TRMT11: variants seen among roughly 807,000 people sequenced by gnomAD.
TRMT11 encodes tRNA methyltransferase 11, also known as tRNA (guanine(10)-N(2))-methyltransferase TRMT11.
A neutral mutation model predicts 62.8 loss-of-function variants in TRMT11; 53 were observed. The observed-to-expected ratio is 0.84, with a 90% CI of 0.68 to 1.06. The LOEUF (loss-of-function observed/expected upper bound fraction) is 1.06. Ranked by LOEUF, TRMT11 falls within the 50% of genes least tolerant of loss-of-function variation. TRMT11 has a pLI of 0.00. For synonymous variants in TRMT11, 188 were observed against 190.3 expected (o/e 0.99, Z 0.10); for missense variants, 556 against 553.4 (o/e 1.00, Z -0.05).
At chr6:126,261,044 T>C in the TRMT11 span, among the ~76,000 whole-genome samples, 1 of 152,184 alleles carries the variant, frequency 6.6e-6, no homozygotes, top group South Asian at 2.1e-4. Context: ...TTCTTCTCCC[T>C]CTAAAACTAC....
At chr6:126,143,200 G>C (rs1056613071) in intron 21 of TRMT11, among the ~76,000 whole-genome samples, 1 of 152,008 alleles carries the variant, frequency 6.6e-6, no homozygotes, top group Non-Finnish European at 1.5e-5. Flanking sequence ...ATTTTTTTCT[G>C]AGTATTAACA....
intron 12 of TRMT11, among the ~76,000 whole-genome samples, chr6:126,026,466 A>C (rs1773112023): frequency 6.6e-6 from 1 of 152,014 alleles, no homozygotes; most frequent in Non-Finnish European, 1.5e-5. Flanking sequence ...ACTCACTGCA[A>C]CCTCCGCCTT....
At chr6:126,246,511 A>G in the TRMT11 span, among the ~76,000 whole-genome samples, 13 of 152,332 alleles carry the variant, frequency 8.5e-5, no homozygotes, top group East Asian at 2.3e-3. Flanking sequence ...AGAGCTGATC[A>G]TGTGGAATGG....
intron 17 of TRMT11, among the ~76,000 whole-genome samples, chr6:126,086,340 G>T (rs1777216442): frequency 6.6e-6 from 1 of 152,030 alleles, no homozygotes; most frequent in South Asian, 2.1e-4. Context: ...ATTAGTTACA[G>T]GCATCACATC....
chr6:126,231,650 T>C, the TRMT11 span, among the ~76,000 whole-genome samples: 1 of 152,134 alleles, frequency 6.6e-6, no homozygotes, highest in African/African-American at 2.4e-5. Flanking sequence ...AGAAAGTGTA[T>C]TGTTGTAGCC....
the TRMT11 span, among the ~76,000 whole-genome samples, chr6:126,253,789 C>T: frequency 2.0e-5 from 3 of 152,160 alleles, no homozygotes; most frequent in Admixed American, 2.0e-4. Context: ...AGACTACAAG[C>T]CTGTGAACTC....
intron 17 of TRMT11, among the ~76,000 whole-genome samples, chr6:126,091,197 CCATCT>C (rs1777272067): frequency 8.8e-5 from 8 of 90,788 alleles, no homozygotes; most frequent in African/African-American, 3.0e-4. Flanking sequence ...GAGCGAGACT[CCATCT>C]CAAAAAAAAA....
intron 21 of TRMT11, among the ~76,000 whole-genome samples, chr6:126,159,574 C>T (rs912866769): frequency 1.3e-5 from 2 of 152,158 alleles, no homozygotes; most frequent in East Asian, 1.9e-4. Context: ...TATTATAATA[C>T]GGACAAATAA....
chr6:126,022,083 G>A (rs1249298542), intron 12 of TRMT11, among the ~76,000 whole-genome samples: 11 of 133,202 alleles, frequency 8.3e-5, no homozygotes, highest in Non-Finnish European at 1.1e-4. Context: ...TTTTTGAGAC[G>A]GAGTTTCCCT....
chr6:126,017,035 A>G (rs1300352400), intron 11 of TRMT11, among the ~76,000 whole-genome samples: 1 of 152,210 alleles, frequency 6.6e-6, no homozygotes, highest in Admixed American at 6.5e-5. Context: ...TTTGAGTCTA[A>G]AGTCATCTGT....
At chr6:126,000,634 G>A (rs1485022177) in intron 7 of TRMT11, among the ~76,000 whole-genome samples, 1 of 152,048 alleles carries the variant, frequency 6.6e-6, no homozygotes, top group African/African-American at 2.4e-5. Flanking sequence ...TCTGCATTGG[G>A]ATCTGCCAAC....
intron 11 of TRMT11, among the ~76,000 whole-genome samples, chr6:126,017,654 G>T (rs888588103): frequency 6.6e-6 from 1 of 152,040 alleles, no homozygotes; most frequent in African/African-American, 2.4e-5. Flanking sequence ...TGGCTTAATT[G>T]TCACCACTTC....
At chr6:126,118,011 G>C (rs565864805) in intron 21 of TRMT11, among the ~76,000 whole-genome samples, 19 of 152,110 alleles carry the variant, frequency 1.2e-4, no homozygotes, top group Non-Finnish European at 2.8e-4. Context: ...TTCTGGAAAA[G>C]TGTTTTATTC....
At chr6:126,237,065 T>TAGAC in the TRMT11 span, among the ~76,000 whole-genome samples, 8 of 142,568 alleles carry the variant, frequency 5.6e-5, no homozygotes, top group East Asian at 1.0e-3. Context: ...CTCCTAGAGA[T>TAGAC]AGAGAGAGAG....
intron 21 of TRMT11, among the ~76,000 whole-genome samples, chr6:126,158,928 G>T (rs1037189504): frequency 6.6e-6 from 1 of 152,166 alleles, no homozygotes; most frequent in Non-Finnish European, 1.5e-5. Context: ...TGCCCATCCA[G>T]CTCTGACTTC....
At chr6:126,226,664 A>G in the TRMT11 span, among the ~76,000 whole-genome samples, 3 of 152,246 alleles carry the variant, frequency 2.0e-5, no homozygotes, top group Non-Finnish European at 4.4e-5. Flanking sequence ...AAAGTACAAT[A>G]AAACATTAAT....
rs370541339 is a variant in TRMT11, at chr6:126,170,121, CTTT to C, written c.*1824-4702_*1824-4700del. Among the ~76,000 whole-genome samples, 715 of 151,908 alleles carry C rather than the reference CTTT, an allele frequency of 4.7e-3. 5 individuals are homozygous for C. The highest frequency in any genetic ancestry group is 0.015 in the African/African-American group (615 of 41,438). ...GCTCTCTACTTTTATTCTTATTTTC[CTTT>C]TGTCAGCCTGGTGTCTTTTATTTTC... On this transcript the variant is annotated intron_variant and NMD_transcript_variant, in intron 21 of 22. Transcript: ENST00000648977.
At chr6:126,183,582 G>A (rs1414120900) in intron 1 of TRMT11, among the ~76,000 whole-genome samples, 1 of 152,142 alleles carries the variant, frequency 6.6e-6, no homozygotes, top group Non-Finnish European at 1.5e-5. Context: ...AGGTCCCAGG[G>A]AGTGCTAAAT....
At chr6:126,019,340 T>C (rs1418188419) in intron 11 of TRMT11, among the ~76,000 whole-genome samples, 2 of 152,236 alleles carry the variant, frequency 1.3e-5, no homozygotes, top group African/African-American at 2.4e-5. Context: ...GTTTTTCTGC[T>C]GTTAAAACCA....
Sources: allele counts gnomAD v4.1 joint callset (sites outside exome capture counted in the v4.1 genomes callset), GRCh38; gene constraint gnomAD v4.1.1; transcripts MANE v1.5; gene names NCBI Gene and HGNC (gene_info 2026-07-23, HGNC 2026-07-21).